Variants in MYOM2 observed in about 807,000 individuals in gnomAD.
The protein encoded by MYOM2 is myomesin 2, also known as myomesin-2.
Under a neutral mutation model 187.6 loss-of-function variants are expected in MYOM2, and 254 were observed. That is an observed-to-expected ratio of 1.35 (90% CI 1.22 to 1.50). MYOM2 has a LOEUF of 1.50. MYOM2 is among the 40% of genes most tolerant of loss of function. The pLI is 0.00. For synonymous variants in MYOM2, 981 were observed against 753.8 expected, an observed-to-expected ratio of 1.30 and a Z score of -4.94; for missense variants, 2,796 against 1,924.0, an observed-to-expected ratio of 1.45 and a Z score of -8.48.
intron 33 of MYOM2, 69 bp downstream of exon 33, chr8:2,140,955 G>T: frequency 6.8e-7 from 1 of 1,480,682 alleles, no homozygotes. Context: ...TGAAGGGAGG[G>T]AATACAATAT....
chr8:2,049,026 C>T (rs904068120), intron 1 of MYOM2, among the ~76,000 whole-genome samples: 4 of 152,138 alleles, frequency 2.6e-5, no homozygotes, highest in South Asian at 2.1e-4. Flanking sequence ...CTCCTGACCT[C>T]GTGATCCACC....
intron 25 of MYOM2, among the ~76,000 whole-genome samples, chr8:2,112,511 T>A (rs909774633): frequency 7.9e-5 from 12 of 151,886 alleles, no homozygotes; most frequent in African/African-American, 2.9e-4. Flanking sequence ...AGGGGTGGGC[T>A]CAACGGAGGG....
intron 32 of MYOM2, among the ~76,000 whole-genome samples, chr8:2,135,610 T>C (rs939832932): frequency 2.6e-5 from 4 of 152,232 alleles, no homozygotes; most frequent in South Asian, 2.1e-4. Context: ...ACGTGTGCTT[T>C]CTTCTATCCT....
chr8:2,063,754 C>T (rs1818923659), intron 6 of MYOM2, among the ~76,000 whole-genome samples: 1 of 152,236 alleles, frequency 6.6e-6, no homozygotes, highest in African/African-American at 2.4e-5. Flanking sequence ...AACCTTATGG[C>T]TGCCCATCTT....
chr8:2,089,970 G>A, intron 14 of MYOM2, 38 bp from the exon 15 acceptor site: 3 of 1,607,490 alleles, frequency 1.9e-6, no homozygotes, highest in Middle Eastern at 1.7e-4. Context: ...GGACCTCGCG[G>A]TTTTCACTGC....
At chr8:2,090,804 C>T (rs913711324) in intron 15 of MYOM2, among the ~76,000 whole-genome samples, 1 of 152,146 alleles carries the variant, frequency 6.6e-6, no homozygotes, top group Non-Finnish European at 1.5e-5. Flanking sequence ...TGGTCTTGTT[C>T]TTTTTTATGG....
At chr8:2,113,733 A>G (rs148579636) in intron 25 of MYOM2, among the ~76,000 whole-genome samples, 1 of 152,318 alleles carries the variant, frequency 6.6e-6, no homozygotes, top group East Asian at 1.9e-4. Flanking sequence ...AAGCATAATT[A>G]TCTTCCAAAA....
intron 18 of MYOM2, chr8:2,098,013 T>C (rs970363749): frequency 5.3e-5 from 8 of 151,844 alleles, no homozygotes; most frequent in African/African-American, 1.7e-4. Flanking sequence ...TGTTTCAGAT[T>C]CCACATCTGA....
intron 12 of MYOM2, among the ~76,000 whole-genome samples, chr8:2,079,321 T>C (rs1263307543): frequency 6.6e-6 from 1 of 152,106 alleles, no homozygotes; most frequent in Non-Finnish European, 1.5e-5. Flanking sequence ...CCCTTCGTTA[T>C]GGTTGTAAGC....
intron 6 of MYOM2, among the ~76,000 whole-genome samples, chr8:2,064,400 C>T (rs572888097): frequency 2.6e-5 from 4 of 152,322 alleles, no homozygotes; most frequent in East Asian, 3.9e-4. Flanking sequence ...TGGGGGTGAC[C>T]GCGAGCTCCT....
chr8:2,100,129 T>TTTCTTTCCTTCCTTCC (rs1796648961), intron 19 of MYOM2, among the ~76,000 whole-genome samples: 27 of 45,552 alleles, frequency 5.9e-4, no homozygotes, highest in African/African-American at 2.0e-3. Context: ...TCCTTCCTTC[T>TTTCTTTCCTTCCTTCC]TTCCTTCCTT....
intron 28 of MYOM2, among the ~76,000 whole-genome samples, chr8:2,118,628 G>C (rs1225892494): frequency 2.0e-5 from 3 of 152,170 alleles, no homozygotes; most frequent in African/African-American, 7.2e-5. Context: ...GATGGTTCTA[G>C]GAAGATCCAG....
intron 10 of MYOM2, among the ~76,000 whole-genome samples, chr8:2,074,061 C>T (rs936722582): frequency 2.0e-5 from 3 of 152,182 alleles, no homozygotes; most frequent in African/African-American, 7.2e-5. Flanking sequence ...TGCTGGGGTC[C>T]TACACGGATT....
chr8:2,144,343 C>G (rs1308088108), intron 36 of MYOM2, among the ~76,000 whole-genome samples: 1 of 152,158 alleles, frequency 6.6e-6, no homozygotes, highest in Non-Finnish European at 1.5e-5. Context: ...CTGGATATAT[C>G]TACTATAAAA....
intron 32 of MYOM2, among the ~76,000 whole-genome samples, chr8:2,137,638 C>T (rs1042128505): frequency 1.6e-4 from 25 of 152,086 alleles, no homozygotes; most frequent in African/African-American, 4.3e-4. Flanking sequence ...GACAAGATGA[C>T]TAAGGCCTAT....
chr8:2,132,171 T>C (rs1585965750), intron 32 of MYOM2, among the ~76,000 whole-genome samples: 1 of 152,344 alleles, frequency 6.6e-6, no homozygotes, highest in South Asian at 2.1e-4. Flanking sequence ...GGCTAAATAA[T>C]CCACTTCACA....
chr8:2,133,530 T>G (rs147488182), intron 32 of MYOM2, among the ~76,000 whole-genome samples: 19,810 of 152,102 alleles, frequency 0.13, 2,198 homozygotes, highest in African/African-American at 0.28. Context: ...GCATGATCTT[T>G]GCTCACTGCA....
In MYOM2 at chr8:2,109,419, C is replaced by A; in HGVS notation, c.3068C>A (p.Ala1023Asp). The A allele has an allele frequency of 2.5e-6, 4 of 1,610,846 alleles. No homozygotes were observed. The highest frequency in any genetic ancestry group is 3.4e-6 in the Non-Finnish European group (4 of 1,178,782). ...GCAATTCCTCTGAAATCGGAATTAG[C>A]TTATGAGATTTTTGATAAGGGGCGG... ...NPTIPLKSEL[A>D]YEIFDKGRVR... Residue 1023 changes from alanine to aspartate, a missense_variant, in exon 25 of 37, where the codon GCT becomes GAT. By Grantham distance (126) the Ala-to-Asp change is moderately radical. Coordinates refer to ENST00000262113, the MANE Select transcript of MYOM2 (RefSeq NM_003970.4).
chr8:2,104,622 A>AG (rs199891158), intron 21 of MYOM2, among the ~76,000 whole-genome samples: 2,191 of 151,984 alleles, frequency 0.014, 51 homozygotes, highest in African/African-American at 0.05. Context: ...AAAAAGAAAA[A>AG]AAAAGTTTAT....
Sources: allele counts gnomAD v4.1 joint callset (sites outside exome capture counted in the v4.1 genomes callset), GRCh38; gene constraint gnomAD v4.1.1; transcripts MANE v1.5; gene names NCBI Gene and HGNC (gene_info 2026-07-23, HGNC 2026-07-21).